Variants in APOB observed in about 807,000 individuals in gnomAD.
The protein encoded by APOB is apolipoprotein B, also known as apolipoprotein B-100.
APOB carries 153 observed loss-of-function variants against 314.1 expected under a neutral mutation model. The ratio of observed to expected loss-of-function variants is 0.49; its 90% CI spans 0.43 to 0.56. APOB has a LOEUF of 0.56. Ranked by LOEUF, APOB falls within the 20% of genes least tolerant of loss-of-function variation. The probability of loss-of-function intolerance (pLI) is 0.00; values close to 1 mark genes in which losing one functional copy is unlikely to be tolerated. For synonymous variants in APOB, 2,087 were observed against 2,036.4 expected (o/e 1.02, Z -0.67); for missense variants, 5,430 against 5,350.7 (o/e 1.01, Z -0.46).
At chr2:21,043,690 A>T in intron 1 of APOB, 139 bp from the exon 2 acceptor site, 1 of 1,497,768 alleles carries the variant, frequency 6.7e-7, no homozygotes, top group Admixed American at 2.0e-5. Flanking sequence ...CAGCCCCTCC[A>T]TCCCGCGCCC....
At position 21,003,332 on chromosome 2, in the gene APOB, G is replaced by T; in HGVS notation, c.12090C>A (p.Ser4030=). ...SKWNFYYSPQ[S]SPDKKLTIFK... ...ATATGGTGAGTTTTTTATCTGGAGA[G>T]GACTAAACAGAGAGAAAAAAAAAAA... The change falls in exon 29 of 29, where the codon TCC becomes TCA. Residue 4030 remains serine, a splice_region_variant and synonymous_variant. Coordinates refer to ENST00000233242, the MANE Select transcript of APOB (RefSeq NM_000384.3). 6.2e-7 allele frequency: 1 copy of T among 1,611,308 alleles called. No individual in the cohort carries two copies.
At chr2:21,027,306 ATTTTTTTT>A (rs71391771) in intron 14 of APOB, among the ~76,000 whole-genome samples, 2 of 105,886 alleles carry the variant, frequency 1.9e-5, no homozygotes, top group Non-Finnish European at 3.7e-5. Context: ...TTGCATTTCA[ATTTTTTTT>A]TTTTTTTTTT....
At position 21,012,456 on chromosome 2, in the gene APOB, A is replaced by T. The variant is rs775231207; in HGVS notation, c.4412T>A (p.Leu1471Ter). Reference protein sequence around the residue: ...WGPQMSASVHLDSKKKQHLFV... With the variant: ...WGPQMSASVH ...CAAATGCTGTTTCTTTTTGGAGTCC[A>T]AATGAACTGAAGCAGACATCTGTGG... The change falls in exon 26 of 29, where the codon TTG becomes TAG. Residue 1471 changes from leucine to a stop codon, truncating the protein, a stop_gained. Coordinates refer to ENST00000233242, the MANE Select transcript of APOB (RefSeq NM_000384.3). LOFTEE classifies it high-confidence loss of function. 6.2e-7 allele frequency: 1 copy of T among 1,614,220 alleles called. No individual in the cohort carries two copies. The highest frequency in any genetic ancestry group is 1.1e-5 in the South Asian group (1 of 91,086).
rs1226887267 is a variant in APOB, at chr2:21,016,501, G to A, written c.3270C>T (p.Tyr1090=). Residue 1090 remains tyrosine (Y), a synonymous_variant, in exon 21 of 29, where the codon TAC becomes TAT. Coordinates refer to ENST00000233242, the MANE Select transcript of APOB (RefSeq NM_000384.3). ...TGTTCTGAATGTCCAGGGTGAGTCT[G>A]TAAGACGTTTTGCCCTCAGTAGATT... ...NDESTEGKTS[Y]RLTLDIQNKK... 7 of 1,611,238 alleles carry A rather than the reference G, an allele frequency of 4.3e-6. No homozygotes were observed. In the Admixed American group the frequency reaches 1.2e-4, roughly 27 times the overall value.
intron 10 of APOB, 115 bp from the exon 11 acceptor site, chr2:21,030,130 G>T (rs1449937996): frequency 1.4e-6 from 1 of 718,648 alleles, no homozygotes; most frequent in Non-Finnish European, 2.4e-6. Flanking sequence ...TCCAAAAAGA[G>T]CCTGAATAGC....
chr2:21,012,150 T>A lies in APOB; in HGVS notation c.4718A>T (p.Asp1573Val), dbSNP rs1477022805. The change falls in exon 26 of 29, where the codon GAC (aspartate) becomes GTC (valine). Residue 1573 changes from aspartate (D) to valine (V), a missense_variant. Transcript: ENST00000233242. The part of the protein sequence containing the change: ...YENYELTLKS[D>V]TNGKYKNFAT... The stretch of plus-strand genomic sequence containing the variant: ...AAAGTTCTTATACTTCCCATTGGTG[T>A]CAGATTTTAAAGTCAGCTCGTAGTT... 1.2e-6 allele frequency: 2 copies of A among 1,601,324 alleles called. No individual in the cohort carries two copies. Among genetic ancestry groups the A allele is most frequent in the Non-Finnish European group, 1.7e-6 (2 of 1,173,046 alleles).
intron 7 of APOB, 73 bp downstream of exon 7, chr2:21,035,511 C>G: frequency 6.3e-7 from 1 of 1,592,328 alleles, no homozygotes; most frequent in South Asian, 1.1e-5. Context: ...TTGCCTGGAA[C>G]AGAGCACTTG....
chr2:21,007,481 A>G lies in APOB; in HGVS notation c.9387T>C (p.Pro3129=), dbSNP rs769437017. The part of the protein sequence containing the change: ...GEANLDFLNI[P]LTIPEMRLPY... ...GTAGACGCATTTCAGGAATTGTTAA[A>G]GGAATGTTTAAGAAATCCAGATTTG... Residue 3129 remains proline, a synonymous_variant, in exon 26 of 29, where the codon CCT becomes CCC. Transcript: ENST00000233242. 5 of 1,614,016 alleles carry G rather than the reference A, an allele frequency of 3.1e-6. No individual in the cohort carries two copies. The highest frequency in any genetic ancestry group is 1.3e-5 in the African/African-American group (1 of 74,930).
chr2:21,002,105 T>C lies in APOB; in HGVS notation c.13317A>G (p.Gln4439=). 6.2e-7 allele frequency: 1 copy of C among 1,613,954 alleles called. No individual in the cohort carries two copies. The highest frequency in any genetic ancestry group is 2.2e-5 in the East Asian group (1 of 44,866). ...TATTTCTGTGCAGAAATTGCTCAAC[T>C]TGACTTGAGAGTTGGGAAGTAAAGT... The part of the protein sequence containing the change: ...ASNFTSQLSS[Q]VEQFLHRNIQ... The change falls in exon 29 of 29, where the codon CAA becomes CAG. Residue 4439 remains glutamine (Q), a synonymous_variant. Coordinates refer to ENST00000233242, the MANE Select transcript of APOB (RefSeq NM_000384.3).
intron 5 of APOB, among the ~76,000 whole-genome samples, chr2:21,037,732 T>A (rs934260466): frequency 6.6e-6 from 1 of 152,174 alleles, no homozygotes; most frequent in Admixed American, 6.5e-5. Flanking sequence ...CCTCAATGAC[T>A]GTTTTAAAAT....
chr2:21,007,056 C>T lies in APOB; in HGVS notation c.9812G>A (p.Gly3271Asp), dbSNP rs1663164652. The part of the protein sequence containing the change: ...SPFTIEMSAF[G>D]YVFPKAVSMP... ...GCTGACTGCTTTTGGGAACACATAG[C>T]CGAATGCCGACATCTCTATGGTGAA... The change falls in exon 26 of 29, where the codon GGC becomes GAC. Residue 3271 changes from glycine to aspartate, a missense_variant. Coordinates refer to ENST00000233242, the MANE Select transcript of APOB (RefSeq NM_000384.3). 3.1e-6 allele frequency: 5 copies of T among 1,613,986 alleles called. No individual in the cohort carries two copies. The East Asian group carries it at 1.1e-4, about 36-fold the overall frequency.
At position 21,043,884 on chromosome 2, in the gene APOB, A is replaced by G; in HGVS notation, c.62T>C (p.Leu21Pro). 3.4e-6 allele frequency: 5 copies of G among 1,473,306 alleles called. No individual in the cohort carries two copies. The highest frequency in any genetic ancestry group is 4.5e-6 in the Non-Finnish European group (5 of 1,117,870). The allele number at this position is 1,473,306 out of a possible 1,614,324, so 91.3% of individuals were successfully genotyped here. A position where few individuals can be genotyped will look rare whatever the true frequency, so the allele number is the denominator to read the frequency against. Residue 21 changes from leucine to proline, a missense_variant, in exon 1 of 29, where the codon CTG (leucine) becomes CCG (proline). Leu to Pro is a moderately conservative substitution (Grantham distance 98). Coordinates refer to ENST00000233242, the MANE Select transcript of APOB (RefSeq NM_000384.3). ...CTCACCGGCCCTGGCGCCCGCCAGCAGCAGCAGCAGCAGCGCAGGCAGCGC... is the reference window on the plus strand; with the variant it reads ...CTCACCGGCCCTGGCGCCCGCCAGCGGCAGCAGCAGCAGCGCAGGCAGCGC... ...LLALPALLLL[L>P]LAGARAEEEM...
rs960977343 is a variant in APOB, at chr2:21,008,284, T to C, written c.8584A>G (p.Thr2862Ala). 2 of 1,613,600 alleles carry C rather than the reference T, an allele frequency of 1.2e-6. No homozygotes were observed. The highest frequency in any genetic ancestry group is 1.7e-5 in the Admixed American group (1 of 59,984). Residue 2862 changes from threonine (T) to alanine (A), a missense_variant, in exon 26 of 29, where the codon ACA (threonine) becomes GCA (alanine). Physicochemically the swap from Thr to Ala is moderately conservative, Grantham distance 58. Transcript: ENST00000233242. Reference protein sequence around the residue: ...GKSNTVASLHTEKNTLELSNG... With the variant: ...GKSNTVASLHAEKNTLELSNG... Reference sequence around the variant, plus strand: ...CTAAGCTCCAGTGTATTTTTTTCTGTGTGTAAACTTGCCACTGTGTTTGAT... The same window carrying C: ...CTAAGCTCCAGTGTATTTTTTTCTGCGTGTAAACTTGCCACTGTGTTTGAT...
intron 16 of APOB, chr2:21,024,621 A>AAAAAAT (rs761867474): frequency 4.0e-5 from 21 of 521,730 alleles, no homozygotes; most frequent in African/African-American, 7.9e-5. Context: ...CAAAAAATTA[A>AAAAAAT]AAAAATAAAA....
rs1663097155 is a variant in APOB, at chr2:21,005,307, G to A, written c.11561C>T (p.Thr3854Ile). The A allele has an allele frequency of 3.7e-6, 6 of 1,614,060 alleles. No homozygotes were observed. The highest frequency in any genetic ancestry group is 5.1e-6 in the Non-Finnish European group (6 of 1,179,954). Residue 3854 changes from threonine (T) to isoleucine (I), a missense_variant, in exon 26 of 29, where the codon ACC becomes ATC. By Grantham distance (89) the Thr-to-Ile change is moderately conservative. Transcript: ENST00000233242. The part of the protein sequence containing the change: ...ANKIADFELP[T>I]IIVPEQTIEI... The stretch of plus-strand genomic sequence containing the variant: ...AATGGTCTGCTCAGGCACGATGATG[G>A]TGGGCAACTCAAAGTCTGCGATCTT...
chr2:21,029,671 G>T lies in APOB; in HGVS notation c.1585C>A (p.Gln529Lys), dbSNP rs755254003. 1.2e-6 allele frequency: 2 copies of T among 1,614,082 alleles called. No individual in the cohort carries two copies. The highest frequency in any genetic ancestry group is 2.7e-5 in the African/African-American group (2 of 74,926). The change falls in exon 12 of 29, where the codon CAG (glutamine) becomes AAG (lysine). Residue 529 changes from glutamine to lysine, a missense_variant. Physicochemically the swap from Gln to Lys is moderately conservative, Grantham distance 53 (BLOSUM62 1). Transcript: ENST00000233242. ...TTAGGCTCCATTTTCCGCAGAGCCT[G>T]GATGGCAGCTTTCTGGATCATCAGT... The part of the protein sequence containing the change: ...PSLMIQKAAI[Q>K]ALRKMEPKDK...
chr2:21,029,514 AG>A (rs1663824639), intron 12 of APOB, 124 bp downstream of exon 12: 9 of 1,079,122 alleles, frequency 8.3e-6, no homozygotes, highest in Admixed American at 5.3e-5. Context: ...GAAGGAAGGA[AG>A]GAAGGAAAGG....
rs779270984 is a variant in APOB at position 21,010,467 on chromosome 2, T to C, written c.6401A>G (p.Gln2134Arg). The C allele has an allele frequency of 6.2e-6, 10 of 1,610,830 alleles. No homozygotes were observed. The East Asian group carries it at 2.2e-4, about 36-fold the overall frequency. ...DYLNSFNWER[Q>R]VSHAKEKLTA... Reference sequence around the variant, plus strand: ...CAGTTTCTCCTTGGCATGTGAAACTTGTCTCTCCCAATTGAATGAATTCAG... The same window carrying C: ...CAGTTTCTCCTTGGCATGTGAAACTCGTCTCTCCCAATTGAATGAATTCAG... Residue 2134 changes from glutamine (Q) to arginine (R), a missense_variant, in exon 26 of 29, where the codon CAA becomes CGA. By Grantham distance (43) the Gln-to-Arg change is conservative. This residue lies in a region of APOB where 3,281 missense variants were observed against 3,171.0 expected (regional missense o/e 1.03). Transcript: ENST00000233242.
chr2:21,001,450 C>T lies in APOB; in HGVS notation c.*280G>A. The T allele has an allele frequency of 2.5e-6, 1 of 407,426 alleles. No individual in the cohort carries two copies. Among genetic ancestry groups the T allele is most frequent in the Non-Finnish European group, 4.4e-6 (1 of 225,178 alleles). 25.2% of individuals were successfully genotyped at this position (407,426 alleles called of 1,614,324 possible). On this transcript the variant is annotated 3_prime_UTR_variant, in exon 29 of 29. Coordinates refer to ENST00000233242, the MANE Select transcript of APOB (RefSeq NM_000384.3). Reference sequence around the variant, plus strand: ...GTGGTATGATACACAATAAAGACTCCATTTATTTGTTCCTCCTCCCCCAAG... The same window carrying T: ...GTGGTATGATACACAATAAAGACTCTATTTATTTGTTCCTCCTCCCCCAAG...
Sources: gnomAD v4.1 joint callset for allele counts (sites outside exome capture counted in the v4.1 genomes callset) on GRCh38, gnomAD v4.1.1 for gene constraint, gnomAD v4.1.1 regional missense constraint, MANE v1.5 for transcripts, NCBI Gene and HGNC (gene_info 2026-07-23, HGNC 2026-07-21) for gene names.